PTPRT: variants seen among roughly 807,000 people sequenced by gnomAD.
PTPRT encodes the protein protein tyrosine phosphatase receptor type T.
In PTPRT, 56 loss-of-function variants were observed where a neutral mutation model predicts 176.8. The ratio of observed to expected loss-of-function variants is 0.32; its 90% CI spans 0.26 to 0.40. PTPRT has a LOEUF of 0.40. Ranked by LOEUF, PTPRT falls within the 10% of genes least tolerant of loss-of-function variation. PTPRT has a pLI of 1.00. For synonymous variants in PTPRT, 783 were observed against 739.0 expected, an observed-to-expected ratio of 1.06 and a Z score of -0.96; for missense variants, 1,540 against 1,908.2, an observed-to-expected ratio of 0.81 and a Z score of 3.60.
chr20:42,554,898 C>A (rs960221025), intron 7 of PTPRT, among the ~76,000 whole-genome samples: 14 of 152,136 alleles, frequency 9.2e-5, no homozygotes, highest in African/African-American at 3.4e-4. Flanking sequence ...TGAAGCAAAC[C>A]TCCTCACTCC....
chr20:42,512,152 A>C (rs578026616), intron 7 of PTPRT, among the ~76,000 whole-genome samples: 4 of 152,266 alleles, frequency 2.6e-5, no homozygotes, highest in Admixed American at 2.0e-4. Flanking sequence ...GAAATTTAAT[A>C]CACAATTTAT....
At chr20:42,237,177 G>C (rs925810342) in intron 14 of PTPRT, among the ~76,000 whole-genome samples, 2 of 152,196 alleles carry the variant, frequency 1.3e-5, no homozygotes, top group African/African-American at 2.4e-5. Context: ...TTCCCTTCAA[G>C]CTCTGCCCAA....
chr20:42,330,786 A>C (rs971184346), intron 11 of PTPRT, among the ~76,000 whole-genome samples: 5 of 152,318 alleles, frequency 3.3e-5, no homozygotes, highest in South Asian at 2.1e-4. Flanking sequence ...AGTGCTAACC[A>C]ACAGAAGCAA....
chr20:42,472,438 G>A lies in PTPRT; in HGVS notation c.1278C>T (p.Tyr426=). The A allele has an allele frequency of 6.2e-7, 1 of 1,614,260 alleles. No homozygotes were observed. Among genetic ancestry groups the A allele is most frequent in the Non-Finnish European group, 8.5e-7 (1 of 1,180,042 alleles). The change falls in exon 8 of 31, where the codon TAC becomes TAT. Residue 426 remains tyrosine (Y), a synonymous_variant. Transcript: ENST00000373187. ...RCHSYNLTVQ[Y]QYVFNQQQYE... ...ACTGCTGCTGGTTGAACACATACTG[G>A]TACTGCACGGTGAGGTTGTAGCTAT...
At chr20:42,036,231 TC>T in the PTPRT span, among the ~76,000 whole-genome samples, 2 of 152,174 alleles carry the variant, frequency 1.3e-5, no homozygotes, top group Non-Finnish European at 2.9e-5. Context: ...ACAGAAACTG[TC>T]CCCAGAAGAC....
At chr20:43,052,098 A>T (rs759512312) in intron 1 of PTPRT, among the ~76,000 whole-genome samples, 15 of 152,232 alleles carry the variant, frequency 9.9e-5, no homozygotes, top group Non-Finnish European at 1.9e-4. Flanking sequence ...CATGTAATAG[A>T]AGAATCCTGG....
intron 29 of PTPRT, among the ~76,000 whole-genome samples, chr20:42,083,258 G>A (rs1380890981): frequency 6.6e-6 from 1 of 152,092 alleles, no homozygotes; most frequent in Non-Finnish European, 1.5e-5. Context: ...GTAGACACAG[G>A]GTCTCAGGGC....
At chr20:42,435,278 T>C (rs1434979128) in intron 9 of PTPRT, among the ~76,000 whole-genome samples, 2 of 152,136 alleles carry the variant, frequency 1.3e-5, no homozygotes, top group African/African-American at 4.8e-5. Flanking sequence ...AAATAAAAAA[T>C]AATTGTGAAC....
chr20:42,266,333 G>A (rs1342660318), intron 13 of PTPRT, among the ~76,000 whole-genome samples: 1 of 152,186 alleles, frequency 6.6e-6, no homozygotes, highest in Admixed American at 6.5e-5. Context: ...TGCCACTGGG[G>A]ATGACCTTTA....
chr20:42,582,201 G>A (rs1465698120), intron 7 of PTPRT, among the ~76,000 whole-genome samples: 1 of 152,174 alleles, frequency 6.6e-6, no homozygotes. Flanking sequence ...ACCTGTCTTG[G>A]TCTTGTCTGC....
In PTPRT at chr20:43,147,984, G is replaced by A. The variant is rs565112777; in HGVS notation, c.88+41662C>T. Among the ~76,000 whole-genome samples the A allele has an allele frequency of 4.6e-5, 7 of 152,276 alleles. No individual in the cohort carries two copies. The South Asian group carries it at 1.5e-3, about 32-fold the overall frequency. On this transcript the variant is annotated intron_variant, in intron 1 of 30. Coordinates refer to ENST00000373187, the MANE Select transcript of PTPRT (RefSeq NM_007050.6). Reference sequence around the variant, plus strand: ...ACATGAATAACTCTATAGCCATGATGAGACTTTAAATCTACCCAAGACCTC... The same window carrying A: ...ACATGAATAACTCTATAGCCATGATAAGACTTTAAATCTACCCAAGACCTC...
intron 7 of PTPRT, among the ~76,000 whole-genome samples, chr20:42,578,654 C>T (rs2073309033): frequency 6.6e-6 from 1 of 152,156 alleles, no homozygotes; most frequent in Admixed American, 6.5e-5. Context: ...TTGGCTGGAT[C>T]TTAAAATATA....
chr20:42,883,486 G>T (rs1186862173), intron 2 of PTPRT, among the ~76,000 whole-genome samples: 1 of 152,050 alleles, frequency 6.6e-6, no homozygotes, highest in African/African-American at 2.4e-5. Context: ...ACAGTGGAAA[G>T]TGAGTAGACA....
the PTPRT span, among the ~76,000 whole-genome samples, chr20:42,056,364 A>AAT: frequency 9.8e-5 from 15 of 152,324 alleles, no homozygotes; most frequent in Admixed American, 9.2e-4. Context: ...ACAAACTCAA[A>AAT]ATATGCACCA....
chr20:42,841,166 T>G (rs1377527152), intron 2 of PTPRT, among the ~76,000 whole-genome samples: 1 of 152,180 alleles, frequency 6.6e-6, no homozygotes, highest in Non-Finnish European at 1.5e-5. Context: ...GTTTGGTACT[T>G]GCCTCCTCTT....
intron 27 of PTPRT, among the ~76,000 whole-genome samples, chr20:42,093,545 A>C (rs1320420288): frequency 3.3e-5 from 5 of 152,184 alleles, no homozygotes; most frequent in African/African-American, 7.2e-5. Context: ...CAGTGCAAAA[A>C]AAATAAGGCC....
At chr20:42,469,776 G>A (rs567200499) in intron 8 of PTPRT, among the ~76,000 whole-genome samples, 1 of 151,036 alleles carries the variant, frequency 6.6e-6, no homozygotes, top group Non-Finnish European at 1.5e-5. Flanking sequence ...AGGGTGTAAG[G>A]GAGGGATGGA....
At chr20:42,271,882 A>C (rs2056941975) in intron 13 of PTPRT, among the ~76,000 whole-genome samples, 1 of 152,248 alleles carries the variant, frequency 6.6e-6, no homozygotes, top group Non-Finnish European at 1.5e-5. Context: ...CCAACTGATA[A>C]ACAAAAAATA....
chr20:42,324,944 T>G (rs2057860485), intron 11 of PTPRT, among the ~76,000 whole-genome samples: 1 of 152,370 alleles, frequency 6.6e-6, no homozygotes, highest in Middle Eastern at 3.4e-3. Context: ...CTCTGACTAG[T>G]TCGGCGACCT....
Sources: gnomAD v4.1 joint callset for allele counts (sites outside exome capture counted in the v4.1 genomes callset) on GRCh38, gnomAD v4.1.1 for gene constraint, MANE v1.5 for transcripts, NCBI Gene and HGNC (gene_info 2026-07-23, HGNC 2026-07-21) for gene names.